The following COPZ2 variants were observed in gnomAD, a reference collection of about 807,000 sequenced individuals.
The protein encoded by COPZ2 is coatomer subunit zeta-2.
Under a neutral mutation model 33.2 loss-of-function variants are expected in COPZ2, and 30 were observed. The observed-to-expected ratio is 0.90, with a 90% CI of 0.68 to 1.23. The LOEUF is 1.23. COPZ2 is among the 50% of genes most tolerant of loss of function. COPZ2 has a pLI of 0.00. For missense variants in COPZ2, 263 were observed against 262.4 expected (o/e 1.00, Z -0.02); for synonymous variants, 89 against 102.6 (o/e 0.87, Z 0.80).
At chr17:48,032,285 TC>T (rs1338155706) in intron 5 of COPZ2, 52 bp from the exon 6 acceptor site, 2 of 1,519,652 alleles carry the variant, frequency 1.3e-6, no homozygotes, top group East Asian at 4.7e-5. Flanking sequence ...AGGAACTGAG[TC>T]CCTGCCTAGG....
chr17:48,042,680 T>G (rs1172916457), upstream of COPZ2, among the ~76,000 whole-genome samples: 1 of 151,990 alleles, frequency 6.6e-6, no homozygotes, highest in Non-Finnish European at 1.5e-5. Context: ...CAGGTTGTTC[T>G]CCAACTCCTG....
intron 2 of COPZ2, among the ~76,000 whole-genome samples, chr17:48,036,327 T>G (rs1165315142): frequency 1.3e-5 from 2 of 152,204 alleles, no homozygotes; most frequent in Non-Finnish European, 2.9e-5. Flanking sequence ...TGTTAGGATA[T>G]TAATACTTGT....
the COPZ2 span, among the ~76,000 whole-genome samples, chr17:48,043,284 A>G: frequency 1.8e-4 from 28 of 152,244 alleles, no homozygotes; most frequent in African/African-American, 6.5e-4. Flanking sequence ...GGTGATTCAA[A>G]GCAGGTTCTC....
the COPZ2 span, chr17:48,046,699 G>A: frequency 6.6e-6 from 1 of 152,184 alleles, no homozygotes; most frequent in South Asian, 2.1e-4. Context: ...GGGACTGAAT[G>A]GTCTCCTATT....
At chr17:48,043,341 T>C in the COPZ2 span, among the ~76,000 whole-genome samples, 1 of 152,186 alleles carries the variant, frequency 6.6e-6, no homozygotes, top group South Asian at 2.1e-4. Flanking sequence ...TCATTTCCTC[T>C]GAGTCACCCT....
Position 48,037,452 on chromosome 17 carries a change from A to G in COPZ2, c.111+215T>C, listed in dbSNP as rs1438191353. Among the ~76,000 whole-genome samples, 4 of 152,160 alleles carry G rather than the reference A, an allele frequency of 2.6e-5. No homozygotes were observed. The highest frequency in any genetic ancestry group is 5.9e-5 in the Non-Finnish European group (4 of 68,014). On this transcript the variant is annotated intron_variant, in intron 1 of 8. Transcript: ENST00000621465. The surrounding 1 kb of genome is among the most constrained non-coding windows in gnomAD (Gnocchi z 5.6). ...CGCCACCCCCACTCCAAACGGACCCAGAACTTCAGCCCCGCGCCGACGGAC... is the reference window on the plus strand; with the variant it reads ...CGCCACCCCCACTCCAAACGGACCCGGAACTTCAGCCCCGCGCCGACGGAC...
chr17:48,042,039 G>C (rs968893130), upstream of COPZ2, among the ~76,000 whole-genome samples: 29 of 152,132 alleles, frequency 1.9e-4, no homozygotes, highest in African/African-American at 7.0e-4. Flanking sequence ...GAGGGGCCAA[G>C]GGGATAGGAA....
upstream of COPZ2, among the ~76,000 whole-genome samples, chr17:48,042,283 G>A (rs1273407756): frequency 6.6e-5 from 10 of 151,748 alleles, 1 homozygote; most frequent in Non-Finnish European, 1.0e-4. Context: ...ACAGGTATGC[G>A]CCACCACACC....
chr17:48,040,175 C>T (rs986143069), upstream of COPZ2, among the ~76,000 whole-genome samples: 1 of 143,576 alleles, frequency 7.0e-6, no homozygotes, highest in African/African-American at 2.6e-5. Flanking sequence ...AGGATCAAGC[C>T]ATTCTCCTGT....
At chr17:48,042,081 C>A (rs551469634), upstream of COPZ2, among the ~76,000 whole-genome samples, 436 of 152,162 alleles carry the variant, frequency 2.9e-3, 1 homozygote, top group African/African-American at 0.01. Context: ...AGCTTAGGAA[C>A]CACAAAGTTC....
Position 48,037,230 on chromosome 17 carries a change from C to A in COPZ2, c.112-305G>T. The A allele has an allele frequency of 1.6e-6, 1 of 617,964 alleles. No homozygotes were observed. The highest frequency in any genetic ancestry group is 3.1e-6 in the Non-Finnish European group (1 of 322,178). 38.3% of individuals were successfully genotyped at this position (617,964 alleles called of 1,614,324 possible). ...GCCCGAGTCGGAGTGTATCACAGAACCTGGGCCGGGGGGGACAGCGGGCCG... is the reference window on the plus strand; with the variant it reads ...GCCCGAGTCGGAGTGTATCACAGAAACTGGGCCGGGGGGGACAGCGGGCCG... On this transcript the variant is annotated intron_variant, in intron 1 of 8. Transcript: ENST00000621465. This position sits in a 1 kb window ranked among gnomAD's most constrained non-coding sequence, Gnocchi z 5.6.
At chr17:48,045,479 C>T in the COPZ2 span, 1 of 151,602 alleles carries the variant, frequency 6.6e-6, no homozygotes, top group Non-Finnish European at 1.5e-5. Context: ...GCTTTTCCTA[C>T]CAGGGAAGCT....
upstream of COPZ2, among the ~76,000 whole-genome samples, chr17:48,038,196 T>C (rs2037023456): frequency 6.6e-6 from 1 of 152,104 alleles, no homozygotes; most frequent in Non-Finnish European, 1.5e-5. Flanking sequence ...CAGGTCACCC[T>C]TTAGATCTCA....
Position 48,032,685 on chromosome 17 carries a change from C to T in COPZ2, c.416+1G>A, listed in dbSNP as rs968174385. On this transcript the variant is annotated splice_donor_variant, in intron 5 of 8. Coordinates refer to ENST00000621465, the MANE Select transcript of COPZ2 (RefSeq NM_016429.4). LOFTEE classifies it high-confidence loss of function. ...CTCGGAGGGCAGAGAACCTCACTCA[C>T]CTTAACATGTGGTTCAGAGACTCAA... 3 of 1,587,352 alleles carry T rather than the reference C, an allele frequency of 1.9e-6. No individual in the cohort carries two copies. In the African/African-American group the frequency reaches 4.0e-5, roughly 21 times the overall value.
intron 6 of COPZ2, among the ~76,000 whole-genome samples, chr17:48,031,376 C>T (rs1236727325): frequency 2.0e-5 from 3 of 150,416 alleles, no homozygotes; most frequent in South Asian, 2.1e-4. Flanking sequence ...GGTGTGAACC[C>T]GGGAGGTGGA....
Position 48,026,480 on chromosome 17 carries a change from G to A in COPZ2, c.586-5C>T. ...TTCCTTGGCAGACTGAAGAACCTGG[G>A]GTGGGGTGGGGGAGGTTGAGAGAGA... is the stretch of plus-strand genomic sequence containing the variant. On this transcript the variant is annotated splice_region_variant and splice_polypyrimidine_tract_variant and intron_variant, in intron 8 of 8. Transcript: ENST00000621465. 4 of 1,606,212 alleles carry A rather than the reference G, an allele frequency of 2.5e-6. No homozygotes were observed. The highest frequency in any genetic ancestry group is 1.3e-5 in the African/African-American group (1 of 74,890).
chr17:48,035,670 C>T (rs1048621579), intron 2 of COPZ2, among the ~76,000 whole-genome samples: 41 of 152,096 alleles, frequency 2.7e-4, no homozygotes, highest in South Asian at 4.1e-4. Flanking sequence ...GCAGTCCACC[C>T]GCCTCGGCCT....
the COPZ2 span, among the ~76,000 whole-genome samples, chr17:48,044,266 G>T: frequency 2.0e-5 from 3 of 152,062 alleles, no homozygotes; most frequent in African/African-American, 4.8e-5. Context: ...AGAATCGCTT[G>T]AACTGGGGAG....
chr17:48,028,424 G>A lies in COPZ2; in HGVS notation c.585+48C>T, dbSNP rs573765277. The A allele has an allele frequency of 4.1e-5, 64 of 1,579,220 alleles. 1 individual carries two copies. The highest frequency in any genetic ancestry group is 3.6e-4 in the South Asian group (31 of 86,566). ...GATGCTCTAGGATGCTCTGCTCCCC[G>A]TATCTCTCTAGACCATTTCTAGCCA... On this transcript the variant is annotated intron_variant, in intron 8 of 8. Transcript: ENST00000621465. The surrounding 1 kb of genome is among the most constrained non-coding windows in gnomAD (Gnocchi z 4.5).
Sources: gnomAD v4.1 joint callset for allele counts (sites outside exome capture counted in the v4.1 genomes callset) on GRCh38, gnomAD v4.1.1 for gene constraint, Gnocchi (gnomAD v3.1) non-coding constraint, MANE v1.5 for transcripts, NCBI Gene and HGNC (gene_info 2026-07-23, HGNC 2026-07-21) for gene names.